The following SEMA6D variants were observed in gnomAD, a reference collection of about 807,000 sequenced individuals.
SEMA6D encodes the protein semaphorin 6D.
Under a neutral mutation model 106.6 loss-of-function variants are expected in SEMA6D, and 35 were observed. That is an observed-to-expected ratio of 0.33 (90% CI 0.25 to 0.44). The LOEUF is 0.44. SEMA6D is among the 20% of genes least tolerant of loss of function. The pLI is 1.00. For synonymous variants in SEMA6D, 499 were observed against 487.7 expected, an observed-to-expected ratio of 1.02 and a Z score of -0.31; for missense variants, 1,185 against 1,345.9, an observed-to-expected ratio of 0.88 and a Z score of 1.87.
chr15:47,412,273 A>G (rs1273476887), intron 1 of SEMA6D: 1 of 152,514 alleles, frequency 6.6e-6, no homozygotes, highest in Non-Finnish European at 1.5e-5. Context: ...AAGAGGTCTT[A>G]TCATTAAAGC....
At chr15:47,228,035 A>G (rs1007242011) in intron 1 of SEMA6D, among the ~76,000 whole-genome samples, 73 of 143,542 alleles carry the variant, frequency 5.1e-4, no homozygotes, top group Non-Finnish European at 9.6e-4. Flanking sequence ...TTTTATATAT[A>G]TAAGAATCTT....
intron 3 of SEMA6D, among the ~76,000 whole-genome samples, chr15:47,532,964 T>C (rs2045025659): frequency 6.6e-6 from 1 of 152,086 alleles, no homozygotes. Flanking sequence ...ATGATATTGA[T>C]GATGATGATC....
At chr15:47,193,561 A>C (rs1786543925) in intron 1 of SEMA6D, among the ~76,000 whole-genome samples, 1 of 152,200 alleles carries the variant, frequency 6.6e-6, no homozygotes, top group Admixed American at 6.5e-5. Context: ...AACCATCCAA[A>C]GGCTTCTCAT....
intron 1 of SEMA6D, among the ~76,000 whole-genome samples, chr15:47,398,192 C>T (rs1212942640): frequency 6.6e-6 from 1 of 152,178 alleles, no homozygotes; most frequent in Non-Finnish European, 1.5e-5. Context: ...AGGAAGTGTT[C>T]TCTTTGTTCT....
chr15:47,543,450 T>C (rs935235889), intron 3 of SEMA6D, among the ~76,000 whole-genome samples: 1 of 152,124 alleles, frequency 6.6e-6, no homozygotes, highest in Non-Finnish European at 1.5e-5. Context: ...AAGATGTGAC[T>C]TTGCTCCTCA....
intron 3 of SEMA6D, among the ~76,000 whole-genome samples, chr15:47,475,350 C>T (rs1353706206): frequency 6.6e-6 from 1 of 152,120 alleles, no homozygotes; most frequent in African/African-American, 2.4e-5. Flanking sequence ...AAAATAAGGC[C>T]TAGAATAGCT....
At chr15:47,565,189 A>C (rs1458737394) in intron 3 of SEMA6D, among the ~76,000 whole-genome samples, 1 of 152,212 alleles carries the variant, frequency 6.6e-6, no homozygotes, top group Non-Finnish European at 1.5e-5. Flanking sequence ...TAACATGCCC[A>C]CTGGGGCTGC....
At position 47,352,424 on chromosome 15, in the gene SEMA6D, A is replaced by G. The variant is rs529460642; in HGVS notation, c.-238-59969A>G. Among the ~76,000 whole-genome samples the G allele has an allele frequency of 2.6e-5, 4 of 152,276 alleles. No individual in the cohort carries two copies. In the South Asian group the frequency reaches 6.2e-4, roughly 24 times the overall value. ...TTTACTACCCTGCCTTGGAAACTCA[A>G]GAGAGTAGCAGCCTTGAATACACAC... On this transcript the variant is annotated intron_variant, in intron 1 of 19. Coordinates refer to the SEMA6D transcript ENST00000558014.
chr15:47,407,083 C>T (rs1000443005), intron 1 of SEMA6D, among the ~76,000 whole-genome samples: 4 of 151,974 alleles, frequency 2.6e-5, no homozygotes, highest in Non-Finnish European at 5.9e-5. Flanking sequence ...TGTTGTAGGC[C>T]GGGCCGGGGG....
chr15:47,362,024 T>G lies in SEMA6D; in HGVS notation c.-238-50369T>G, dbSNP rs572016422. Among the ~76,000 whole-genome samples, 4 of 152,354 alleles carry G rather than the reference T, an allele frequency of 2.6e-5. No homozygotes were observed. The South Asian group carries it at 8.3e-4, about 32-fold the overall frequency. ...TAGAGTAAATTAGACTTCATAAATG[T>G]GTTCTCCGTTTATTACAAAACATTG... On this transcript the variant is annotated intron_variant, in intron 1 of 19. Coordinates refer to the SEMA6D transcript ENST00000558014.
At chr15:47,409,907 G>A (rs140987596) in intron 1 of SEMA6D, among the ~76,000 whole-genome samples, 1 of 151,274 alleles carries the variant, frequency 6.6e-6, no homozygotes, top group African/African-American at 2.4e-5. Context: ...TGTGGGGGGG[G>A]TGGGGAGGCA....
chr15:47,309,238 T>C (rs961759165), intron 1 of SEMA6D, among the ~76,000 whole-genome samples: 23 of 152,222 alleles, frequency 1.5e-4, no homozygotes, highest in African/African-American at 5.5e-4. Context: ...ATTCCAGAAA[T>C]AAACAATTAA....
At chr15:47,249,916 A>G (rs2141907750) in intron 1 of SEMA6D, among the ~76,000 whole-genome samples, 1 of 152,310 alleles carries the variant, frequency 6.6e-6, no homozygotes, top group Admixed American at 6.5e-5. Context: ...ATTCTGGGTC[A>G]GTGACAGTCT....
At chr15:47,276,834 A>G (rs144962050) in intron 1 of SEMA6D, among the ~76,000 whole-genome samples, 3 of 152,298 alleles carry the variant, frequency 2.0e-5, no homozygotes, top group African/African-American at 7.2e-5. Context: ...AGTTATTCCT[A>G]TGAAGGATCT....
chr15:47,471,927 TCTCTCACACACA>T (rs1178175284), intron 3 of SEMA6D, among the ~76,000 whole-genome samples: 12 of 114,008 alleles, frequency 1.1e-4, no homozygotes, highest in African/African-American at 4.5e-4. Context: ...TCTCTCTCTC[TCTCTCACACACA>T]CACACACACA....
intron 1 of SEMA6D, among the ~76,000 whole-genome samples, chr15:47,382,115 C>T (rs1015023137): frequency 1.4e-5 from 2 of 147,362 alleles, no homozygotes; most frequent in East Asian, 1.9e-4. Context: ...TGTAAAGTGT[C>T]GCCATATTAA....
rs757259301 is a variant in SEMA6D at position 47,771,656 on chromosome 15, C to T, written c.3093C>T (p.Tyr1031=). Residue 1031 remains tyrosine (Y), a synonymous_variant, in exon 19 of 19, where the codon TAC becomes TAT. Coordinates refer to ENST00000536845, the MANE Select transcript of SEMA6D (RefSeq NM_001358351.3). ...CTTCCCTCTCCAGACAGAGCAGCTA[C>T]ACCAGTAATGGCACTCTTCCTAGGA... The part of the protein sequence containing the change: ...LQPSLSRQSS[Y]TSNGTLPRTG... 7.4e-6 allele frequency: 12 copies of T among 1,614,102 alleles called. No homozygotes were observed. In the Admixed American group the frequency reaches 1.0e-4, roughly 13 times the overall value.
At chr15:47,368,250 T>G (rs888251334) in intron 1 of SEMA6D, among the ~76,000 whole-genome samples, 2 of 152,224 alleles carry the variant, frequency 1.3e-5, no homozygotes, top group African/African-American at 2.4e-5. Flanking sequence ...CTGGATGAGA[T>G]GAAGGCAGCT....
chr15:47,262,217 C>T lies in SEMA6D; in HGVS notation c.-239+77799C>T, dbSNP rs148724358. Reference sequence around the variant, plus strand: ...AAACAAATGGAAAAATATTTCATGCCCATGCATAGGAAGAATCAATATTGT... The same window carrying T: ...AAACAAATGGAAAAATATTTCATGCTCATGCATAGGAAGAATCAATATTGT... On this transcript the variant is annotated intron_variant, in intron 1 of 19. Transcript: ENST00000558014. 1.5e-3 allele frequency among the ~76,000 whole-genome samples: 233 copies of T among 152,066 alleles called. 1 individual carries two copies. The highest frequency in any genetic ancestry group is 5.2e-3 in the African/African-American group (216 of 41,486).
Sources: allele counts gnomAD v4.1 joint callset (sites outside exome capture counted in the v4.1 genomes callset), GRCh38; gene constraint gnomAD v4.1.1; transcripts MANE v1.5; gene names NCBI Gene and HGNC (gene_info 2026-07-23, HGNC 2026-07-21).